Variants in CCDC77 observed in about 807,000 individuals in gnomAD.
CCDC77 encodes the protein coiled-coil domain containing 77.
CCDC77 carries 56 observed loss-of-function variants against 66.8 expected under a neutral mutation model. The observed-to-expected ratio is 0.84, with a 90% confidence interval of 0.68 to 1.05. The LOEUF is 1.05. CCDC77 is among the 50% of genes least tolerant of loss of function. The pLI is 0.00. For synonymous variants in CCDC77, 196 were observed against 195.2 expected (o/e 1.00, Z -0.03); for missense variants, 570 against 576.8 (o/e 0.99, Z 0.12).
At chr12:412,231 T>C (rs1377039206) in intron 4 of CCDC77, among the ~76,000 whole-genome samples, 1 of 152,188 alleles carries the variant, frequency 6.6e-6, no homozygotes, top group African/African-American at 2.4e-5. Context: ...ACCTGAGTAG[T>C]CCTTAACTTC....
intron 2 of CCDC77, among the ~76,000 whole-genome samples, chr12:407,975 G>T (rs934478089): frequency 6.6e-6 from 1 of 151,954 alleles, no homozygotes; most frequent in African/African-American, 2.4e-5. Context: ...TTTTAGTAGA[G>T]ATGGGGTTTC....
chr12:394,361 T>C (rs952096567), intron 1 of CCDC77, among the ~76,000 whole-genome samples: 19 of 152,334 alleles, frequency 1.2e-4, no homozygotes, highest in African/African-American at 4.1e-4. Flanking sequence ...TTTTACTCCT[T>C]TATGAAGGGC....
chr12:440,791 G>A lies in CCDC77; in HGVS notation c.1167+49G>A, dbSNP rs116711396. 896 of 1,613,042 alleles carry A rather than the reference G, an allele frequency of 5.6e-4. 5 individuals are homozygous for A. In the African/African-American group the frequency reaches 0.01, roughly 18 times the overall value. On this transcript the variant is annotated intron_variant, in intron 11 of 12. Coordinates refer to ENST00000239830, the MANE Select transcript of CCDC77 (RefSeq NM_032358.4). The stretch of plus-strand genomic sequence containing the variant: ...AATGGAATAGGAAGTGCAGATGGCT[G>A]GGGAAGACGCTTCCCTCACCTTCGT...
chr12:433,353 G>A, intron 9 of CCDC77, 31 bp downstream of exon 9: 3 of 1,606,804 alleles, frequency 1.9e-6, no homozygotes, highest in Non-Finnish European at 2.5e-6. Context: ...TACCTAACGG[G>A]TATTGTATTT....
At chr12:399,908 C>T (rs1163150310), upstream of CCDC77, among the ~76,000 whole-genome samples, 1 of 152,182 alleles carries the variant, frequency 6.6e-6, no homozygotes, top group Non-Finnish European at 1.5e-5. Context: ...AGCTGTGAAG[C>T]CAGGTATTGA....
Position 442,298 on chromosome 12 carries a change from AAG to A in CCDC77, c.*386_*387del, listed in dbSNP as rs1945871667. The stretch of plus-strand genomic sequence containing the variant: ...GTCCATGGGAAGAATACTTTCCCTA[AAG>A]AGAGAGAAGCACTCACAGAGGCTGC... On this transcript the variant is annotated 3_prime_UTR_variant, in exon 13 of 13. Coordinates refer to ENST00000239830, the MANE Select transcript of CCDC77 (RefSeq NM_032358.4). 6.1e-6 allele frequency: 1 copy of A among 163,142 alleles called. No individual in the cohort carries two copies. 10.1% of individuals were successfully genotyped at this position (163,142 alleles called of 1,614,324 possible).
intron 9 of CCDC77, among the ~76,000 whole-genome samples, chr12:436,520 G>T (rs549791644): frequency 6.6e-6 from 1 of 152,132 alleles, no homozygotes; most frequent in African/African-American, 2.4e-5. Flanking sequence ...CATCGCGCCC[G>T]GTCTGCTATG....
At chr12:396,913 T>C (rs1291973307), upstream of CCDC77, among the ~76,000 whole-genome samples, 1 of 152,142 alleles carries the variant, frequency 6.6e-6, no homozygotes. Flanking sequence ...AGACCCGGAA[T>C]TGAATTTTTT....
intron 1 of CCDC77, among the ~76,000 whole-genome samples, chr12:392,168 T>C (rs748768217): frequency 3.1e-4 from 47 of 151,510 alleles, no homozygotes; most frequent in Non-Finnish European, 4.3e-4. Flanking sequence ...CAGTAACTTT[T>C]CAGAAAAAAA....
chr12:410,272 T>G (rs1264399703), intron 3 of CCDC77, among the ~76,000 whole-genome samples: 1 of 151,686 alleles, frequency 6.6e-6, no homozygotes, highest in African/African-American at 2.4e-5. Context: ...TTTTTGTTTT[T>G]TTTTTGTTTT....
Position 406,037 on chromosome 12 carries a change from C to T in CCDC77, c.-17+473C>T, listed in dbSNP as rs144301232. On this transcript the variant is annotated intron_variant, in intron 2 of 12. Transcript: ENST00000239830. ...GGTGCAGGCGATCCTCCTACCTCGG[C>T]CTCCTGTTTAACTAGGACTACAGAC... Among the ~76,000 whole-genome samples, 49 of 151,938 alleles carry T rather than the reference C, an allele frequency of 3.2e-4. No individual in the cohort carries two copies. The East Asian group carries it at 6.6e-3, about 20-fold the overall frequency.
chr12:402,807 A>G (rs1431661688), intron 1 of CCDC77, among the ~76,000 whole-genome samples: 1 of 152,218 alleles, frequency 6.6e-6, no homozygotes, highest in Non-Finnish European at 1.5e-5. Context: ...AAAATATACA[A>G]GATATTCATA....
upstream of CCDC77, among the ~76,000 whole-genome samples, chr12:401,353 G>T (rs1038125716): frequency 1.3e-5 from 2 of 152,240 alleles, no homozygotes; most frequent in African/African-American, 4.8e-5. Flanking sequence ...TTAAGTGGGG[G>T]TGCCCGAAAG....
chr12:402,277 C>G (rs1944910810), intron 1 of CCDC77, among the ~76,000 whole-genome samples: 1 of 152,058 alleles, frequency 6.6e-6, no homozygotes, highest in Admixed American at 6.6e-5. Context: ...CTGTAGGGAG[C>G]GCACGCTAGC....
intron 7 of CCDC77, among the ~76,000 whole-genome samples, 188 bp downstream of exon 7, chr12:430,924 C>A (rs1163716651): frequency 6.6e-6 from 1 of 151,898 alleles, no homozygotes; most frequent in Non-Finnish European, 1.5e-5. Flanking sequence ...ACATAAAATA[C>A]AAAAAACTAG....
chr12:438,791 G>A (rs188442251), intron 10 of CCDC77, among the ~76,000 whole-genome samples: 8 of 152,100 alleles, frequency 5.3e-5, no homozygotes, highest in African/African-American at 1.2e-4. Flanking sequence ...ACTCCTGGCC[G>A]GGCACAGTGG....
At chr12:437,762 C>T (rs768319372) in intron 9 of CCDC77, among the ~76,000 whole-genome samples, 7 of 147,746 alleles carry the variant, frequency 4.7e-5, no homozygotes, top group African/African-American at 1.8e-4. Flanking sequence ...AGAAGGATTG[C>T]TTGAGCCCAG....
chr12:438,267 G>A, intron 9 of CCDC77, 68 bp from the exon 10 acceptor site: 5 of 1,083,618 alleles, frequency 4.6e-6, no homozygotes, highest in Non-Finnish European at 6.8e-6. Flanking sequence ...TTCCATTTTG[G>A]AATAATCCTT....
chr12:435,988 C>T (rs1169394660), intron 9 of CCDC77, among the ~76,000 whole-genome samples: 1 of 152,150 alleles, frequency 6.6e-6, no homozygotes, highest in African/African-American at 2.4e-5. Flanking sequence ...AATCCTCTCA[C>T]CTCAGCCTCC....
Sources: allele counts gnomAD v4.1 joint callset (sites outside exome capture counted in the v4.1 genomes callset), GRCh38; gene constraint gnomAD v4.1.1; transcripts MANE v1.5; gene names NCBI Gene and HGNC (gene_info 2026-07-23, HGNC 2026-07-21).